Variants in HEATR4 observed in about 807,000 individuals in gnomAD.
The protein encoded by HEATR4 is HEAT repeat containing 4, also known as HEAT repeat-containing protein 4.
HEATR4 carries 95 observed loss-of-function variants against 108.8 expected under a neutral mutation model. The observed-to-expected ratio is 0.87, with a 90% CI of 0.74 to 1.04. HEATR4 has a LOEUF of 1.04. HEATR4 is among the 50% of genes least tolerant of loss of function. HEATR4 has a pLI of 0.00. For missense variants in HEATR4, 1,152 were observed against 1,253.8 expected, an observed-to-expected ratio of 0.92 and a Z score of 1.23; for synonymous variants, 443 against 459.4, an observed-to-expected ratio of 0.96 and a Z score of 0.46.
chr14:73,509,718 T>C (rs1887079952), intron 7 of HEATR4, among the ~76,000 whole-genome samples: 1 of 149,522 alleles, frequency 6.7e-6, no homozygotes, highest in South Asian at 2.1e-4. Flanking sequence ...TAAACAGCTA[T>C]ATTTAAGCCG....
chr14:73,594,723 C>T, the HEATR4 span, among the ~76,000 whole-genome samples: 6 of 148,374 alleles, frequency 4.0e-5, no homozygotes, highest in African/African-American at 1.0e-4. Flanking sequence ...TCTTTTGAGA[C>T]GGAGTCTCGC....
intron 17 of HEATR4, among the ~76,000 whole-genome samples, chr14:73,482,178 G>C (rs902583850): frequency 6.6e-6 from 1 of 151,892 alleles, no homozygotes; most frequent in Non-Finnish European, 1.5e-5. Context: ...TTGAGGCCAA[G>C]AGTTTGAGAC....
the HEATR4 span, among the ~76,000 whole-genome samples, chr14:73,572,212 A>G: frequency 2.8e-5 from 3 of 108,274 alleles, no homozygotes; most frequent in African/African-American, 1.2e-4. Context: ...AAAAAGAGCA[A>G]AGTCAACTGG....
the HEATR4 span, among the ~76,000 whole-genome samples, chr14:73,599,107 A>G: frequency 6.6e-6 from 1 of 152,162 alleles, no homozygotes; most frequent in African/African-American, 2.4e-5. Context: ...CTCCTGTGAC[A>G]GTCCCAACTG....
chr14:73,514,626 A>G (rs943565744), intron 5 of HEATR4, among the ~76,000 whole-genome samples: 2 of 152,218 alleles, frequency 1.3e-5, no homozygotes, highest in Non-Finnish European at 2.9e-5. Flanking sequence ...TTTCTAAAGT[A>G]TTAAGTTTTC....
At chr14:73,603,346 T>C in the HEATR4 span, among the ~76,000 whole-genome samples, 1 of 146,148 alleles carries the variant, frequency 6.8e-6, no homozygotes, top group Non-Finnish European at 1.5e-5. Flanking sequence ...ATAATCTGTT[T>C]TTTTTGTTTT....
the HEATR4 span, among the ~76,000 whole-genome samples, chr14:73,591,389 A>G: frequency 6.6e-6 from 1 of 151,766 alleles, no homozygotes; most frequent in African/African-American, 2.4e-5. Context: ...CTTTACTAAA[A>G]ATACAAAAAT....
chr14:73,601,130 G>A, the HEATR4 span, among the ~76,000 whole-genome samples: 7 of 152,160 alleles, frequency 4.6e-5, no homozygotes, highest in East Asian at 7.8e-4. Flanking sequence ...GACAGAGTGA[G>A]ACTCTGTCTC....
the HEATR4 span, among the ~76,000 whole-genome samples, chr14:73,605,421 G>C: frequency 6.6e-6 from 1 of 152,006 alleles, no homozygotes; most frequent in African/African-American, 2.4e-5. Flanking sequence ...TAGTTTATAG[G>C]TTATAGTTTA....
intron 10 of HEATR4, among the ~76,000 whole-genome samples, chr14:73,506,234 T>C (rs937480667): frequency 1.3e-5 from 2 of 152,164 alleles, no homozygotes; most frequent in East Asian, 1.9e-4. Context: ...TGCTATTTCA[T>C]TGTGGATCAG....
intron 11 of HEATR4, among the ~76,000 whole-genome samples, chr14:73,501,824 G>A (rs565867859): frequency 7.5e-4 from 114 of 151,550 alleles, no homozygotes; most frequent in Non-Finnish European, 1.4e-3. Context: ...CGTGATCTCC[G>A]CTCACTGCAA....
chr14:73,595,222 C>T, the HEATR4 span: 1 of 1,614,188 alleles, frequency 6.2e-7, no homozygotes, highest in Non-Finnish European at 8.5e-7. Context: ...TGGGCTATGA[C>T]CTGAGGAGAA....
upstream of HEATR4, among the ~76,000 whole-genome samples, chr14:73,563,186 G>GTCTC (rs199503388): frequency 2.2e-5 from 1 of 46,490 alleles, no homozygotes; most frequent in Non-Finnish European, 3.4e-5. Flanking sequence ...TCTTTGTACT[G>GTCTC]TCTCTATTTG....
the HEATR4 span, chr14:73,575,365 C>T: frequency 9.0e-7 from 1 of 1,111,728 alleles, no homozygotes; most frequent in Non-Finnish European, 1.2e-6. Flanking sequence ...TGTCGGGCTT[C>T]CCTGCATGCC....
chr14:73,560,469 T>C (rs1889508578), upstream of HEATR4, among the ~76,000 whole-genome samples: 1 of 151,936 alleles, frequency 6.6e-6, no homozygotes, highest in Non-Finnish European at 1.5e-5. Context: ...TAAACCATCC[T>C]GGGTAACACG....
At position 73,499,760 on chromosome 14, in the gene HEATR4, T is replaced by C. The variant is rs189029987; in HGVS notation, c.2287-620A>G. Among the ~76,000 whole-genome samples, 744 of 152,252 alleles carry C rather than the reference T, an allele frequency of 4.9e-3. 9 individuals are homozygous for C. Among genetic ancestry groups the C allele is most frequent in the African/African-American group, 0.017 (711 of 41,558 alleles). ...TAACTCCATTTATGGGAGTTGATCC[T>C]AAAGCCCATCAGCACCCAGGTAATG... On this transcript the variant is annotated intron_variant, in intron 12 of 17. Transcript: ENST00000553558.
chr14:73,519,370 GA>G (rs35313704), intron 4 of HEATR4, among the ~76,000 whole-genome samples: 15 of 147,982 alleles, frequency 1.0e-4, no homozygotes, highest in Admixed American at 2.7e-4. Context: ...GTCTGTGGGG[GA>G]AAAAAAAAAG....
At chr14:73,497,734 C>G (rs1295776447) in intron 14 of HEATR4, among the ~76,000 whole-genome samples, 1 of 152,130 alleles carries the variant, frequency 6.6e-6, no homozygotes, top group Non-Finnish European at 1.5e-5. Context: ...TCAAGTGATT[C>G]TCCTGCCTCA....
At chr14:73,605,556 C>CTTTTTTTTTTT in the HEATR4 span, among the ~76,000 whole-genome samples, 19 of 56,914 alleles carry the variant, frequency 3.3e-4, no homozygotes, top group East Asian at 5.8e-4. Flanking sequence ...CTGTAAGATT[C>CTTTTTTTTTTT]TTTTTTTTTT....
Sources: gnomAD v4.1 joint callset for allele counts (sites outside exome capture counted in the v4.1 genomes callset) on GRCh38, gnomAD v4.1.1 for gene constraint, MANE v1.5 for transcripts, NCBI Gene and HGNC (gene_info 2026-07-23, HGNC 2026-07-21) for gene names.